KCNJ6: variants seen among roughly 807,000 people sequenced by gnomAD.
The protein encoded by KCNJ6 is potassium inwardly rectifying channel subfamily J member 6.
A neutral mutation model predicts 34.2 loss-of-function variants in KCNJ6; 9 were observed. The observed-to-expected ratio is 0.26, with a 90% CI of 0.16 to 0.46. The LOEUF is 0.46. Among genes scored for constraint, KCNJ6 ranks in the 20% least tolerant of loss-of-function variants. The probability of loss-of-function intolerance (pLI) is 1.00; values close to 1 mark genes in which losing one functional copy is unlikely to be tolerated. For missense variants in KCNJ6, 236 were observed against 531.3 expected (o/e 0.44, Z 5.46); for synonymous variants, 196 against 207.1 (o/e 0.95, Z 0.46).
intron 3 of KCNJ6, among the ~76,000 whole-genome samples, chr21:37,697,232 G>A (rs2054667625): frequency 6.6e-6 from 1 of 152,180 alleles, no homozygotes; most frequent in South Asian, 2.1e-4. Context: ...AGGGGCCAAT[G>A]GGGTGCTCCC....
At position 37,655,235 on chromosome 21, in the gene KCNJ6, GA is replaced by G. The variant is rs2054456980; in HGVS notation, c.947-29752del. 1.2e-3 allele frequency among the ~76,000 whole-genome samples: 3 copies of G among 2,550 alleles called. 1 individual carries two copies. The highest frequency in any genetic ancestry group is 3.5e-3 in the African/African-American group (3 of 858). 1.7% of individuals were successfully genotyped at this position (2,550 alleles called of 152,430 possible). ...TGTGTGTGTGTGTGTGAGAGAGAGA[GA>G]GAGAGAGAGAGAGAGAGAGAGAGAG... On this transcript the variant is annotated intron_variant, in intron 3 of 3. Coordinates refer to ENST00000609713, the MANE Select transcript of KCNJ6 (RefSeq NM_002240.5).
chr21:37,840,594 T>C, intron 2 of KCNJ6, 64 bp downstream of exon 2: 2 of 1,141,512 alleles, frequency 1.8e-6, no homozygotes, highest in East Asian at 2.4e-5. Context: ...GGATGTCTTT[T>C]TTGTGCGATT....
chr21:37,866,916 T>C (rs2055625489), intron 1 of KCNJ6, among the ~76,000 whole-genome samples: 1 of 152,242 alleles, frequency 6.6e-6, no homozygotes. Flanking sequence ...ATTCTAGCTA[T>C]TCATTGCCAT....
At chr21:37,774,855 G>A (rs1281227952) in intron 2 of KCNJ6, among the ~76,000 whole-genome samples, 1 of 152,122 alleles carries the variant, frequency 6.6e-6, no homozygotes, top group African/African-American at 2.4e-5. Flanking sequence ...AATCCTTTGG[G>A]TATATACCCA....
At chr21:37,907,677 A>T (rs1295889666) in intron 1 of KCNJ6, among the ~76,000 whole-genome samples, 1 of 152,146 alleles carries the variant, frequency 6.6e-6, no homozygotes, top group Non-Finnish European at 1.5e-5. Flanking sequence ...GCTGGGTCCC[A>T]CTTTTATCCC....
At chr21:37,723,948 A>G (rs858042) in intron 2 of KCNJ6, among the ~76,000 whole-genome samples, 60,780 of 151,718 alleles carry the variant, frequency 0.4, 12,695 homozygotes, top group Admixed American at 0.48. Context: ...AAAAAAAAAG[A>G]AAAGCAAGAA....
At position 37,622,792 on chromosome 21, in the gene KCNJ6, G is replaced by A. The variant is rs1352444633; in HGVS notation, c.*2367C>T. 6.6e-6 allele frequency: 1 copy of A among 152,250 alleles called. No individual in the cohort carries two copies. Among genetic ancestry groups the A allele is most frequent in the Non-Finnish European group, 1.5e-5 (1 of 68,068 alleles). 9.4% of individuals were successfully genotyped at this position (152,250 alleles called of 1,614,324 possible). ...CTTGCTCTTCCAACCAGACACGGGGGTGTGCGCTGTCCTTTAAACCTTAGC... is the reference window on the plus strand; with the variant it reads ...CTTGCTCTTCCAACCAGACACGGGGATGTGCGCTGTCCTTTAAACCTTAGC... On this transcript the variant is annotated 3_prime_UTR_variant, in exon 4 of 4. Transcript: ENST00000609713.
intron 1 of KCNJ6, among the ~76,000 whole-genome samples, chr21:37,867,936 T>C (rs2055631057): frequency 6.6e-6 from 1 of 152,178 alleles, no homozygotes; most frequent in Non-Finnish European, 1.5e-5. Flanking sequence ...ACTTGGCCTT[T>C]ATATAGCAGG....
At chr21:37,646,590 G>A (rs1363364398) in intron 3 of KCNJ6, among the ~76,000 whole-genome samples, 2 of 152,230 alleles carry the variant, frequency 1.3e-5, no homozygotes, top group African/African-American at 2.4e-5. Context: ...TGTGCCGGGC[G>A]ATGTTCAGCA....
At chr21:37,839,585 G>A (rs1394446684) in intron 2 of KCNJ6, among the ~76,000 whole-genome samples, 1 of 152,134 alleles carries the variant, frequency 6.6e-6, no homozygotes, top group Admixed American at 6.5e-5. Context: ...ATTTTTGCAG[G>A]CCAAATTTAA....
At chr21:37,639,587 C>T (rs117457609) in intron 3 of KCNJ6, among the ~76,000 whole-genome samples, 2,250 of 152,224 alleles carry the variant, frequency 0.015, 37 homozygotes, top group Non-Finnish European at 0.021. Context: ...AAAATTTAGT[C>T]AGCACAAAAA....
Position 37,736,716 on chromosome 21 carries a change from C to A in KCNJ6, c.26-21585G>T, listed in dbSNP as rs1477965359. On this transcript the variant is annotated intron_variant, in intron 2 of 3. Coordinates refer to ENST00000609713, the MANE Select transcript of KCNJ6 (RefSeq NM_002240.5). Reference sequence around the variant, plus strand: ...CAGGGGACTCCTCCATGAGCCTGGGCAGCCTACATCCCAGCCCTGTTAAGG... The same window carrying A: ...CAGGGGACTCCTCCATGAGCCTGGGAAGCCTACATCCCAGCCCTGTTAAGG... Among the ~76,000 whole-genome samples, 4 of 152,304 alleles carry A rather than the reference C, an allele frequency of 2.6e-5. No homozygotes were observed. The East Asian group carries it at 7.7e-4, about 29-fold the overall frequency.
At chr21:37,678,705 T>C (rs569407224) in intron 3 of KCNJ6, among the ~76,000 whole-genome samples, 28 of 152,172 alleles carry the variant, frequency 1.8e-4, no homozygotes, top group African/African-American at 6.7e-4. Context: ...AATGGATAGA[T>C]GGGTGGATAA....
chr21:37,854,571 G>A (rs1015878287), intron 1 of KCNJ6, among the ~76,000 whole-genome samples: 1 of 152,172 alleles, frequency 6.6e-6, no homozygotes, highest in Non-Finnish European at 1.5e-5. Flanking sequence ...TCCATTGTTT[G>A]ATAGCACAGT....
At chr21:37,665,618 G>A (rs939314203) in intron 3 of KCNJ6, among the ~76,000 whole-genome samples, 1 of 152,204 alleles carries the variant, frequency 6.6e-6, no homozygotes, top group African/African-American at 2.4e-5. Context: ...CAATGCAGGT[G>A]TGCCAACCTT....
At chr21:37,644,885 G>A (rs943013515) in intron 3 of KCNJ6, among the ~76,000 whole-genome samples, 2 of 152,184 alleles carry the variant, frequency 1.3e-5, no homozygotes, top group Middle Eastern at 3.4e-3. Context: ...AACAATAGCC[G>A]GACTTCCTGC....
chr21:37,775,846 T>G (rs2055139540), intron 2 of KCNJ6, among the ~76,000 whole-genome samples: 1 of 151,876 alleles, frequency 6.6e-6, no homozygotes, highest in Non-Finnish European at 1.5e-5. Flanking sequence ...TCTTTTTTGG[T>G]TCCATATGAA....
At chr21:37,729,525 T>A (rs574897499) in intron 2 of KCNJ6, among the ~76,000 whole-genome samples, 2 of 152,282 alleles carry the variant, frequency 1.3e-5, no homozygotes, top group South Asian at 4.1e-4. Flanking sequence ...GGTCTTGCCA[T>A]GATGCTCAGG....
intron 1 of KCNJ6, among the ~76,000 whole-genome samples, chr21:37,859,610 T>G (rs1209987861): frequency 6.7e-6 from 1 of 149,102 alleles, no homozygotes; most frequent in Non-Finnish European, 1.5e-5. Context: ...CCAGGGCTTC[T>G]GACAAGCTAA....
Sources: gnomAD v4.1 joint callset for allele counts (sites outside exome capture counted in the v4.1 genomes callset) on GRCh38, gnomAD v4.1.1 for gene constraint, MANE v1.5 for transcripts, NCBI Gene and HGNC (gene_info 2026-07-23, HGNC 2026-07-21) for gene names.